INVS: variants seen among roughly 807,000 people sequenced by gnomAD.
The protein encoded by INVS is inversin.
Under a neutral mutation model 108.8 loss-of-function variants are expected in INVS, and 86 were observed. The ratio of observed to expected loss-of-function variants is 0.79; its 90% confidence interval spans 0.66 to 0.95. The LOEUF is 0.95. Ranked by LOEUF, INVS falls within the 40% of genes least tolerant of loss-of-function variation. INVS has a pLI of 0.00. For missense variants in INVS, 1,169 were observed against 1,297.4 expected (o/e 0.90, Z 1.52); for synonymous variants, 455 against 473.5 (o/e 0.96, Z 0.51).
At chr9:100,246,811 A>G (rs372493078) in intron 8 of INVS, 24 bp downstream of exon 8, 41 of 1,605,696 alleles carry the variant, frequency 2.6e-5, no homozygotes, top group East Asian at 1.6e-4. Context: ...GACACATTCA[A>G]TTTGCTTTCA....
chr9:100,241,197 G>A (rs1474096393), intron 6 of INVS, among the ~76,000 whole-genome samples: 1 of 151,864 alleles, frequency 6.6e-6, no homozygotes, highest in Admixed American at 6.6e-5. Flanking sequence ...GCCAGATTTA[G>A]AATTATTATT....
chr9:100,271,920 G>A (rs1056785205), intron 11 of INVS, among the ~76,000 whole-genome samples: 1 of 151,310 alleles, frequency 6.6e-6, no homozygotes, highest in African/African-American at 2.4e-5. Context: ...CCAGTCTGGA[G>A]TGCAGTGGCA....
At chr9:100,129,796 G>A (rs1828003775) in intron 3 of INVS, 4 of 600,998 alleles carry the variant, frequency 6.7e-6, no homozygotes, top group South Asian at 6.5e-5. Context: ...TTCCAAACTG[G>A]AATGCAAAAG....
chr9:100,207,382 C>T (rs879590095), intron 3 of INVS, among the ~76,000 whole-genome samples: 3 of 152,106 alleles, frequency 2.0e-5, no homozygotes, highest in Non-Finnish European at 4.4e-5. Flanking sequence ...CAACTGCTGC[C>T]TCCTGGATTC....
At chr9:100,248,260 T>C (rs1330677103) in intron 8 of INVS, among the ~76,000 whole-genome samples, 1 of 152,244 alleles carries the variant, frequency 6.6e-6, no homozygotes, top group African/African-American at 2.4e-5. Flanking sequence ...GTTTAACTTT[T>C]TCAGGTATTT....
At chr9:100,243,723 T>C (rs934149125) in intron 7 of INVS, among the ~76,000 whole-genome samples, 4 of 152,182 alleles carry the variant, frequency 2.6e-5, no homozygotes, top group African/African-American at 9.6e-5. Flanking sequence ...ATAATAATAC[T>C]ATCAGGCCGG....
At chr9:100,180,279 C>G (rs1020201615) in intron 3 of INVS, among the ~76,000 whole-genome samples, 5 of 151,728 alleles carry the variant, frequency 3.3e-5, no homozygotes, top group Admixed American at 3.3e-4. Context: ...TAACTAAGAT[C>G]AGAGCAGAAC....
At chr9:100,159,443 T>C (rs1248676877) in intron 3 of INVS, among the ~76,000 whole-genome samples, 12 of 152,222 alleles carry the variant, frequency 7.9e-5, no homozygotes, top group Non-Finnish European at 7.3e-5. Context: ...TTTTACTTTT[T>C]TCAGAGAAAA....
chr9:100,171,589 C>T (rs1256957343), intron 3 of INVS, among the ~76,000 whole-genome samples: 3 of 152,158 alleles, frequency 2.0e-5, no homozygotes, highest in Admixed American at 2.0e-4. Flanking sequence ...AGTGTCTGTC[C>T]TACATGGAGG....
At chr9:100,290,698 T>C (rs1162068193) in intron 13 of INVS, among the ~76,000 whole-genome samples, 1 of 152,036 alleles carries the variant, frequency 6.6e-6, no homozygotes, top group East Asian at 1.9e-4. Context: ...TAGATAGCTC[T>C]TTTGCACTTA....
At chr9:100,265,646 T>G (rs1832767647) in intron 11 of INVS, among the ~76,000 whole-genome samples, 2 of 152,214 alleles carry the variant, frequency 1.3e-5, no homozygotes, top group Admixed American at 1.3e-4. Flanking sequence ...GACAAAGAGA[T>G]GCCACCATGT....
chr9:100,264,784 T>G, intron 10 of INVS, 38 bp from the exon 11 acceptor site: 6 of 1,334,456 alleles, frequency 4.5e-6, no homozygotes, highest in Non-Finnish European at 6.5e-6. Context: ...CCAAAAATAC[T>G]TACTCCAGAT....
At chr9:100,226,264 T>C in intron 4 of INVS, 29 bp downstream of exon 4, 2 of 1,598,728 alleles carry the variant, frequency 1.3e-6, no homozygotes, top group Non-Finnish European at 1.7e-6. Flanking sequence ...CAAAGACTAA[T>C]AAGACCAGAA....
At chr9:100,167,052 G>A (rs552285103) in intron 3 of INVS, among the ~76,000 whole-genome samples, 8 of 152,070 alleles carry the variant, frequency 5.3e-5, no homozygotes, top group Admixed American at 1.3e-4. Flanking sequence ...CCAACATGGC[G>A]AAACCCCATC....
chr9:100,281,896 G>A (rs1257323917), intron 12 of INVS, among the ~76,000 whole-genome samples: 1 of 152,152 alleles, frequency 6.6e-6, no homozygotes, highest in Non-Finnish European at 1.5e-5. Context: ...CCCGGGGCTG[G>A]CTACAGAGAG....
chr9:100,225,930 T>A lies in INVS; in HGVS notation c.274-132T>A, dbSNP rs919187465. On this transcript the variant is annotated intron_variant, in intron 3 of 16. Transcript: ENST00000262457. ...TGATAGTATAGTGGAATTACAAGCA[T>A]TTTTCCTTATTAATTTCTCTGGATG... The A allele has an allele frequency of 9.6e-4, 628 of 652,934 alleles. 5 individuals are homozygous for A. The highest frequency in any genetic ancestry group is 1.3e-4 in the Non-Finnish European group (50 of 379,712). 40.4% of individuals were successfully genotyped at this position (652,934 alleles called of 1,614,324 possible).
intron 7 of INVS, among the ~76,000 whole-genome samples, chr9:100,243,274 A>G (rs1275534934): frequency 6.6e-6 from 1 of 152,166 alleles, no homozygotes; most frequent in Non-Finnish European, 1.5e-5. Context: ...AAACTGTATT[A>G]CCTTACACAA....
At chr9:100,284,708 C>A in intron 13 of INVS, 105 bp downstream of exon 13, 1 of 1,165,212 alleles carries the variant, frequency 8.6e-7, no homozygotes, top group South Asian at 1.3e-5. Flanking sequence ...ATATTAGCAC[C>A]TAGGACCGCC....
At chr9:100,224,626 T>C (rs1831251129) in intron 3 of INVS, among the ~76,000 whole-genome samples, 1 of 152,028 alleles carries the variant, frequency 6.6e-6, no homozygotes, top group Admixed American at 6.5e-5. Flanking sequence ...TCTTTCTCTT[T>C]TTTTTTTTGA....
Sources: allele counts gnomAD v4.1 joint callset (sites outside exome capture counted in the v4.1 genomes callset), GRCh38; gene constraint gnomAD v4.1.1; transcripts MANE v1.5; gene names NCBI Gene and HGNC (gene_info 2026-07-23, HGNC 2026-07-21).